Variants in PRKN observed in about 807,000 individuals in gnomAD.
PRKN encodes the protein parkin RBR E3 ubiquitin protein ligase, also known as E3 ubiquitin-protein ligase parkin.
Under a neutral mutation model 59.5 loss-of-function variants are expected in PRKN, and 56 were observed. That is an observed-to-expected ratio of 0.94 (90% CI 0.76 to 1.18). The LOEUF (loss-of-function observed/expected upper bound fraction) is 1.18. PRKN is among the 50% of genes most tolerant of loss of function. PRKN has a pLI of 0.00. For missense variants in PRKN, 657 were observed against 596.4 expected, an observed-to-expected ratio of 1.10 and a Z score of -1.06; for synonymous variants, 250 against 222.1, an observed-to-expected ratio of 1.13 and a Z score of -1.12.
intron 1 of PRKN, among the ~76,000 whole-genome samples, chr6:162,540,222 A>ATTTTATT (rs1456575655): frequency 2.6e-5 from 4 of 151,818 alleles, no homozygotes; most frequent in African/African-American, 4.8e-5. Flanking sequence ...AGCTGAATTT[A>ATTTTATT]TTTTATTTTT....
intron 3 of PRKN, among the ~76,000 whole-genome samples, chr6:162,202,716 T>C (rs1462825065): frequency 2.0e-5 from 3 of 152,222 alleles, no homozygotes; most frequent in African/African-American, 7.2e-5. Context: ...ATTAATGTTA[T>C]AGAAATATTT....
intron 9 of PRKN, among the ~76,000 whole-genome samples, chr6:161,437,874 T>C (rs1232810950): frequency 1.3e-5 from 2 of 152,188 alleles, no homozygotes; most frequent in African/African-American, 4.8e-5. Context: ...AAATAAATAA[T>C]ACCTTTCCCC....
chr6:162,255,956 A>C (rs1779623258), intron 3 of PRKN, among the ~76,000 whole-genome samples: 1 of 152,084 alleles, frequency 6.6e-6, no homozygotes, highest in Non-Finnish European at 1.5e-5. Context: ...ATGCACTGGG[A>C]CTCTAGTGAG....
chr6:161,843,508 G>A (rs1231609248), intron 6 of PRKN, among the ~76,000 whole-genome samples: 2 of 152,148 alleles, frequency 1.3e-5, no homozygotes, highest in African/African-American at 4.8e-5. Flanking sequence ...ATTCCTGGCT[G>A]GGCGCAGTGG....
At chr6:161,994,120 A>G (rs1245188428) in intron 5 of PRKN, among the ~76,000 whole-genome samples, 7 of 152,136 alleles carry the variant, frequency 4.6e-5, no homozygotes, top group Admixed American at 1.3e-4. Flanking sequence ...CCTCAACAAA[A>G]TAGCATATCA....
intron 3 of PRKN, among the ~76,000 whole-genome samples, chr6:162,254,791 G>C (rs1395143899): frequency 6.6e-6 from 1 of 151,988 alleles, no homozygotes; most frequent in African/African-American, 2.4e-5. Context: ...CATCGCCAAA[G>C]GGTCCTTTGA....
chr6:162,625,545 C>T (rs1583932988), intron 1 of PRKN, among the ~76,000 whole-genome samples: 1 of 152,204 alleles, frequency 6.6e-6, no homozygotes, highest in African/African-American at 2.4e-5. Flanking sequence ...CTCATTAAGA[C>T]TTAACCATCC....
chr6:162,245,909 T>C (rs1390404701), intron 3 of PRKN, among the ~76,000 whole-genome samples: 2 of 152,162 alleles, frequency 1.3e-5, no homozygotes, highest in African/African-American at 4.8e-5. Flanking sequence ...ACTTATCTCT[T>C]GGTGACCTCA....
chr6:162,392,038 T>A (rs1787227729), intron 2 of PRKN, among the ~76,000 whole-genome samples: 1 of 45,924 alleles, frequency 2.2e-5, no homozygotes, highest in East Asian at 2.2e-3. Flanking sequence ...ATTTCATGAT[T>A]TTTTTTTCCT....
At chr6:161,802,072 G>C (rs1430472466) in intron 6 of PRKN, among the ~76,000 whole-genome samples, 1 of 152,078 alleles carries the variant, frequency 6.6e-6, no homozygotes, top group Non-Finnish European at 1.5e-5. Flanking sequence ...GAATGGAGAG[G>C]AGTAGAGAAG....
intron 6 of PRKN, among the ~76,000 whole-genome samples, chr6:161,939,608 TG>T (rs750145394): frequency 6.6e-6 from 1 of 150,464 alleles, no homozygotes; most frequent in South Asian, 2.1e-4. Context: ...GGTGGGTTCC[TG>T]TAATCCCAGC....
chr6:161,627,011 T>G (rs961998018), intron 7 of PRKN, among the ~76,000 whole-genome samples: 2 of 152,214 alleles, frequency 1.3e-5, no homozygotes, highest in African/African-American at 4.8e-5. Flanking sequence ...TTCAGCTGCC[T>G]TCAGCCAAAT....
chr6:162,577,192 C>T (rs575888530), intron 1 of PRKN, among the ~76,000 whole-genome samples: 1 of 151,786 alleles, frequency 6.6e-6, no homozygotes, highest in East Asian at 1.9e-4. Flanking sequence ...GATAAATACC[C>T]CCAATAAATA....
chr6:161,367,692 A>T (rs1454508126), intron 10 of PRKN, among the ~76,000 whole-genome samples: 1 of 152,244 alleles, frequency 6.6e-6, no homozygotes, highest in East Asian at 1.9e-4. Context: ...CTGTGTAGGC[A>T]TGGCGCTGGG....
In PRKN at chr6:162,017,399, T is replaced by C. The variant is rs572348986; in HGVS notation, c.618+36692A>G. 4.6e-5 allele frequency among the ~76,000 whole-genome samples: 7 copies of C among 152,294 alleles called. No individual in the cohort carries two copies. In the East Asian group the frequency reaches 1.2e-3, roughly 25 times the overall value. The stretch of plus-strand genomic sequence containing the variant: ...GGTTAAATGGGATCCAATATGTGTA[T>C]AGAAGGCATGTGGCATGGTGCCTGA... On this transcript the variant is annotated intron_variant, in intron 5 of 11. Coordinates refer to ENST00000366898, the MANE Select transcript of PRKN (RefSeq NM_004562.3).
In PRKN at chr6:161,554,524, A is replaced by G. The variant is rs1431753768; in HGVS notation, c.934-5521T>C. ...AATCTTGTTCTCTAGTAAATTCCTC[A>G]GGAAGAGTTCCTGGGAAATACAGTC... On this transcript the variant is annotated intron_variant, in intron 8 of 11. Transcript: ENST00000366898. This position sits in a 1 kb window ranked among gnomAD's most constrained non-coding sequence, Gnocchi z 4.5. 6.6e-6 allele frequency among the ~76,000 whole-genome samples: 1 copy of G among 151,998 alleles called. No homozygotes were observed. The highest frequency in any genetic ancestry group is 1.5e-5 in the Non-Finnish European group (1 of 68,002).
intron 7 of PRKN, among the ~76,000 whole-genome samples, chr6:161,745,958 C>T (rs1788395726): frequency 6.6e-6 from 1 of 152,326 alleles, no homozygotes; most frequent in East Asian, 1.9e-4. Flanking sequence ...GGTGACAGCT[C>T]TCTGTGGGGG....
chr6:162,455,886 A>G (rs1381714822), intron 1 of PRKN, among the ~76,000 whole-genome samples: 1 of 152,136 alleles, frequency 6.6e-6, no homozygotes, highest in African/African-American at 2.4e-5. Context: ...CCTCTAAATG[A>G]TAGAATGGCA....
intron 6 of PRKN, among the ~76,000 whole-genome samples, chr6:161,819,141 CTCTCA>C (rs1791914341): frequency 1.3e-5 from 2 of 152,068 alleles, no homozygotes; most frequent in South Asian, 4.2e-4. Context: ...CTTGACTGTC[CTCTCA>C]TATCATAAAA....
Sources: gnomAD v4.1 joint callset for allele counts (sites outside exome capture counted in the v4.1 genomes callset) on GRCh38, gnomAD v4.1.1 for gene constraint, Gnocchi (gnomAD v3.1) non-coding constraint, MANE v1.5 for transcripts, NCBI Gene and HGNC (gene_info 2026-07-23, HGNC 2026-07-21) for gene names.